Variants in PTPRD observed in about 807,000 individuals in gnomAD.
PTPRD encodes the protein protein tyrosine phosphatase receptor type D, also known as receptor-type tyrosine-protein phosphatase delta.
Under a neutral mutation model 214.5 loss-of-function variants are expected in PTPRD, and 34 were observed. That is an observed-to-expected ratio of 0.16 (90% CI 0.12 to 0.21). The LOEUF is 0.21. PTPRD is among the 10% of genes least tolerant of loss of function. The pLI is 1.00. For synonymous variants in PTPRD, 1,128 were observed against 845.7 expected, an observed-to-expected ratio of 1.33 and a Z score of -5.79; for missense variants, 2,545 against 2,398.7, an observed-to-expected ratio of 1.06 and a Z score of -1.27.
intron 3 of PTPRD, among the ~76,000 whole-genome samples, chr9:10,246,194 G>A (rs189165282): frequency 4.6e-5 from 7 of 152,132 alleles, no homozygotes; most frequent in East Asian, 3.9e-4. Context: ...TAAAGTATGA[G>A]TCTCTGTATT....
At chr9:8,773,355 G>C (rs1360148422) in intron 11 of PTPRD, among the ~76,000 whole-genome samples, 2 of 152,126 alleles carry the variant, frequency 1.3e-5, no homozygotes, top group Admixed American at 6.6e-5. Flanking sequence ...CAACTCAGGA[G>C]TTTGCCAAGT....
chr9:9,326,015 A>T (rs1328350739), intron 9 of PTPRD, among the ~76,000 whole-genome samples: 1 of 151,850 alleles, frequency 6.6e-6, no homozygotes, highest in African/African-American at 2.4e-5. Context: ...GTGTATGTTG[A>T]ACCAGCCTTG....
chr9:9,343,058 G>A (rs1323498778), intron 9 of PTPRD, among the ~76,000 whole-genome samples: 1 of 152,158 alleles, frequency 6.6e-6, no homozygotes, highest in Admixed American at 6.6e-5. Flanking sequence ...CAAAGGACAT[G>A]AACTCATCCT....
chr9:8,386,498 T>G (rs1378410386), intron 37 of PTPRD, among the ~76,000 whole-genome samples: 1 of 152,226 alleles, frequency 6.6e-6, no homozygotes, highest in Non-Finnish European at 1.5e-5. Flanking sequence ...TAATGACATT[T>G]CAAGCTTCAG....
chr9:8,810,817 A>G (rs904624224), intron 11 of PTPRD, among the ~76,000 whole-genome samples: 3 of 152,170 alleles, frequency 2.0e-5, no homozygotes, highest in African/African-American at 7.2e-5. Context: ...AAAATCAACC[A>G]TGGGGTCTTC....
intron 11 of PTPRD, among the ~76,000 whole-genome samples, chr9:8,938,649 G>T (rs967625051): frequency 2.6e-5 from 4 of 151,818 alleles, no homozygotes; most frequent in Non-Finnish European, 5.9e-5. Context: ...ACAAATGAAG[G>T]CTCCTGGTGA....
chr9:8,847,701 C>A (rs1174040202), intron 11 of PTPRD, among the ~76,000 whole-genome samples: 1 of 151,970 alleles, frequency 6.6e-6, no homozygotes, highest in Non-Finnish European at 1.5e-5. Context: ...AGAAATAGTT[C>A]TCTGAGGACT....
intron 9 of PTPRD, among the ~76,000 whole-genome samples, chr9:9,348,337 A>G (rs1353646429): frequency 6.6e-6 from 1 of 152,134 alleles, no homozygotes; most frequent in Non-Finnish European, 1.5e-5. Flanking sequence ...TTTAAAAACA[A>G]ATGTCTTGGC....
At chr9:9,118,560 A>G (rs2099814511) in intron 10 of PTPRD, among the ~76,000 whole-genome samples, 1 of 152,214 alleles carries the variant, frequency 6.6e-6, no homozygotes, top group South Asian at 2.1e-4. Context: ...TAATGGAAAC[A>G]GACTGGAATC....
chr9:10,479,628 CATAA>C (rs879459258), intron 2 of PTPRD, among the ~76,000 whole-genome samples: 2,267 of 101,774 alleles, frequency 0.022, 72 homozygotes, highest in African/African-American at 0.076. Flanking sequence ...AAAAAGAAAA[CATAA>C]ATAAATAAAT....
At chr9:9,584,738 T>G (rs528295541) in intron 7 of PTPRD, among the ~76,000 whole-genome samples, 8 of 151,984 alleles carry the variant, frequency 5.3e-5, no homozygotes, top group Non-Finnish European at 1.0e-4. Flanking sequence ...GCACCCTTTA[T>G]GCTTTTTCTA....
intron 11 of PTPRD, among the ~76,000 whole-genome samples, chr9:8,868,222 A>G (rs1447835376): frequency 6.6e-6 from 1 of 152,042 alleles, no homozygotes; most frequent in Non-Finnish European, 1.5e-5. Flanking sequence ...ATATTTTGAG[A>G]CAGAGTCTCC....
chr9:9,108,454 A>T (rs911394473), intron 10 of PTPRD, among the ~76,000 whole-genome samples: 1 of 152,168 alleles, frequency 6.6e-6, no homozygotes, highest in Non-Finnish European at 1.5e-5. Context: ...TACTAAACAA[A>T]TTTATACAAC....
intron 14 of PTPRD, among the ~76,000 whole-genome samples, chr9:8,570,727 C>A (rs571222139): frequency 6.6e-6 from 1 of 152,170 alleles, no homozygotes; most frequent in African/African-American, 2.4e-5. Context: ...CTTAAAATAT[C>A]TGTCTCTGAC....
intron 11 of PTPRD, among the ~76,000 whole-genome samples, chr9:9,014,670 G>C (rs1476866015): frequency 2.0e-5 from 3 of 152,048 alleles, no homozygotes; most frequent in South Asian, 2.1e-4. Context: ...ATTTACATGG[G>C]AGACAATCTG....
intron 5 of PTPRD, among the ~76,000 whole-genome samples, chr9:9,767,340 T>G (rs921456972): frequency 1.3e-5 from 2 of 152,046 alleles, no homozygotes; most frequent in African/African-American, 4.8e-5. Flanking sequence ...TTTATAGTAA[T>G]AATGTTTCAA....
chr9:10,459,304 G>T (rs1379050332), intron 2 of PTPRD, among the ~76,000 whole-genome samples: 1 of 152,094 alleles, frequency 6.6e-6, no homozygotes, highest in African/African-American at 2.4e-5. Context: ...ATTATTGATG[G>T]GCATTTGGGT....
chr9:8,638,047 A>T (rs916631521), intron 12 of PTPRD, among the ~76,000 whole-genome samples: 3 of 150,936 alleles, frequency 2.0e-5, no homozygotes, highest in Admixed American at 2.0e-4. Flanking sequence ...TTGAGTTTTT[A>T]CAATTATGTT....
intron 11 of PTPRD, among the ~76,000 whole-genome samples, chr9:8,759,127 G>T (rs1205412926): frequency 6.6e-6 from 1 of 151,952 alleles, no homozygotes; most frequent in Non-Finnish European, 1.5e-5. Flanking sequence ...ATCTCCTGAG[G>T]TCAAGCGATC....
Sources: allele counts gnomAD v4.1 joint callset (sites outside exome capture counted in the v4.1 genomes callset), GRCh38; gene constraint gnomAD v4.1.1; transcripts MANE v1.5; gene names NCBI Gene and HGNC (gene_info 2026-07-23, HGNC 2026-07-21).